The following MYO5B variants were observed in gnomAD, a reference collection of about 807,000 sequenced individuals.
The protein encoded by MYO5B is unconventional myosin-Vb.
In MYO5B, 143 loss-of-function variants were observed where a neutral mutation model predicts 229.3. The ratio of observed to expected loss-of-function variants is 0.62; its 90% confidence interval spans 0.54 to 0.72. The LOEUF is 0.72. Among genes scored for constraint, MYO5B ranks in the 30% least tolerant of loss-of-function variants. The pLI is 0.00. For synonymous variants in MYO5B, 918 were observed against 885.2 expected (o/e 1.04, Z -0.66); for missense variants, 2,321 against 2,331.0 (o/e 1.00, Z 0.09).
chr18:50,130,107 G>A (rs1270960228), intron 1 of MYO5B, among the ~76,000 whole-genome samples: 2 of 152,180 alleles, frequency 1.3e-5, no homozygotes, highest in African/African-American at 4.8e-5. Context: ...ACCACAGCAA[G>A]GCTGAGTGCC....
intron 21 of MYO5B, among the ~76,000 whole-genome samples, chr18:49,902,028 G>A (rs1370857329): frequency 6.6e-6 from 1 of 152,236 alleles, no homozygotes; most frequent in African/African-American, 2.4e-5. Context: ...CCAGCACCTT[G>A]GGCTAGTGTG....
intron 9 of MYO5B, among the ~76,000 whole-genome samples, chr18:49,976,450 G>T (rs914534155): frequency 6.6e-6 from 1 of 152,174 alleles, no homozygotes; most frequent in African/African-American, 2.4e-5. Context: ...AACATTAGTT[G>T]GCTTTACTTA....
intron 17 of MYO5B, among the ~76,000 whole-genome samples, chr18:49,915,689 GT>G (rs753771755): frequency 2.0e-4 from 31 of 152,314 alleles, no homozygotes; most frequent in Admixed American, 1.2e-3. Context: ...GCTACATATT[GT>G]TTTAATTATT....
chr18:49,994,748 T>C (rs2144316520), intron 5 of MYO5B, among the ~76,000 whole-genome samples: 1 of 152,324 alleles, frequency 6.6e-6, no homozygotes, highest in East Asian at 1.9e-4. Context: ...GTGTAACCAC[T>C]TTCCTTCCAC....
chr18:50,182,066 T>C (rs904676088), intron 1 of MYO5B, among the ~76,000 whole-genome samples: 10 of 152,228 alleles, frequency 6.6e-5, no homozygotes, highest in African/African-American at 1.2e-4. Flanking sequence ...GGGTGGGCTC[T>C]TTCTCCCAGC....
At chr18:50,112,838 C>T (rs2031890864) in intron 1 of MYO5B, among the ~76,000 whole-genome samples, 1 of 152,132 alleles carries the variant, frequency 6.6e-6, no homozygotes, top group Admixed American at 6.5e-5. Context: ...TAGCAGCTTT[C>T]TATTATACTT....
At position 49,961,069 on chromosome 18, in the gene MYO5B, C is replaced by A. The variant is rs184846490; in HGVS notation, c.1545+1197G>T. On this transcript the variant is annotated intron_variant, in intron 12 of 39. Transcript: ENST00000285039. ...AAGAGACTGGGGAAAAGGAGCATGA[C>A]CTTGGCTGAGTTTGGGAAGGGAGGT... 3.3e-4 allele frequency among the ~76,000 whole-genome samples: 50 copies of A among 152,284 alleles called. 1 individual carries two copies. The East Asian group carries it at 9.4e-3, about 29-fold the overall frequency.
chr18:50,173,347 G>A (rs998455478), intron 1 of MYO5B, among the ~76,000 whole-genome samples: 1 of 152,084 alleles, frequency 6.6e-6, no homozygotes, highest in African/African-American at 2.4e-5. Context: ...TGCTAATGGG[G>A]CAGGATAGCA....
chr18:49,869,239 G>C (rs892609381), intron 27 of MYO5B, among the ~76,000 whole-genome samples: 1 of 152,176 alleles, frequency 6.6e-6, no homozygotes, highest in Non-Finnish European at 1.5e-5. Context: ...TAAGCTGACC[G>C]TGTTCTGCCT....
chr18:50,157,123 G>A (rs1599064792), intron 1 of MYO5B, among the ~76,000 whole-genome samples: 1 of 151,626 alleles, frequency 6.6e-6, no homozygotes, highest in African/African-American at 2.4e-5. Context: ...GGGGAGGTGG[G>A]GGGACGGAGT....
At position 49,963,415 on chromosome 18, in the gene MYO5B, A is replaced by ATTTATTT. The variant is rs1555647596; in HGVS notation, c.1323-386_1323-385insAAATAAA. Among the ~76,000 whole-genome samples the ATTTATTT allele has an allele frequency of 1.0e-4, 15 of 148,024 alleles. No homozygotes were observed. The East Asian group carries it at 1.2e-3, about 12-fold the overall frequency. On this transcript the variant is annotated intron_variant, in intron 10 of 39. Coordinates refer to ENST00000285039, the MANE Select transcript of MYO5B (RefSeq NM_001080467.3). ...ACTTATTTAATTTAATTAATTAATT[A>ATTTATTT]ATTTATTTATTTATTTATTTATTTT...
At chr18:49,902,037 T>C (rs1301001953) in intron 21 of MYO5B, among the ~76,000 whole-genome samples, 1 of 152,240 alleles carries the variant, frequency 6.6e-6, no homozygotes, top group Non-Finnish European at 1.5e-5. Context: ...TGGGCTAGTG[T>C]GTCAGTTTCC....
rs778701332 is a variant in MYO5B at position 50,055,294 on chromosome 18, G to C, written c.112C>G (p.Leu38Val). 52 of 1,573,990 alleles carry C rather than the reference G, an allele frequency of 3.3e-5. No homozygotes were observed. The highest frequency in any genetic ancestry group is 3.5e-5 in the Non-Finnish European group (40 of 1,158,796). The change falls in exon 2 of 40, where the codon CTA becomes GTA. Residue 38 changes from leucine (L) to valine (V), a missense_variant. Leu to Val is a conservative substitution (Grantham distance 32). Around this residue, in one of 2 missense-constraint regions of MYO5B, gnomAD observed 2,113 missense variants for 2,044.7 expected, o/e 1.03. Transcript: ENST00000285039. ...TKDYKEGDKS[L>V]QLRLEDETIL... ...GTTTCATCCTCCAGTCTGAGCTGTA[G>C]GCTCTTGTCTCCTTCTTTGTAGTCC...
chr18:50,089,336 C>T (rs906712769), intron 1 of MYO5B, among the ~76,000 whole-genome samples: 4 of 152,080 alleles, frequency 2.6e-5, no homozygotes, highest in Admixed American at 1.3e-4. Context: ...CAAGATCGCA[C>T]CACTGCACTC....
chr18:49,969,687 G>A (rs1598920191), intron 10 of MYO5B: 1 of 152,156 alleles, frequency 6.6e-6, no homozygotes, highest in East Asian at 1.9e-4. Context: ...CGGCCTTAAA[G>A]GCATTTTTAA....
At chr18:49,891,659 G>A (rs531514966) in intron 22 of MYO5B, among the ~76,000 whole-genome samples, 1 of 152,272 alleles carries the variant, frequency 6.6e-6, no homozygotes, top group South Asian at 2.1e-4. Flanking sequence ...GCTGCTGAGA[G>A]CACAACCCCC....
At chr18:49,837,326 C>T (rs926311398) in intron 37 of MYO5B, among the ~76,000 whole-genome samples, 191 bp downstream of exon 37, 3 of 152,200 alleles carry the variant, frequency 2.0e-5, no homozygotes, top group African/African-American at 7.2e-5. Context: ...ACCAAGTCAA[C>T]CATCTCAGTG....
At chr18:50,137,483 C>T (rs986412351) in intron 1 of MYO5B, among the ~76,000 whole-genome samples, 3 of 152,216 alleles carry the variant, frequency 2.0e-5, no homozygotes, top group Admixed American at 6.5e-5. Context: ...CAGCTGGAAA[C>T]GAGGAAGCTG....
intron 21 of MYO5B, among the ~76,000 whole-genome samples, chr18:49,898,370 G>C (rs936329736): frequency 3.9e-5 from 6 of 152,106 alleles, no homozygotes; most frequent in Admixed American, 3.9e-4. Flanking sequence ...ATATATTTAA[G>C]GATAACCTTA....
Sources: allele counts gnomAD v4.1 joint callset (sites outside exome capture counted in the v4.1 genomes callset), GRCh38; gene constraint gnomAD v4.1.1; regional missense constraint gnomAD v4.1.1; transcripts MANE v1.5; gene names NCBI Gene and HGNC (gene_info 2026-07-23, HGNC 2026-07-21).